The following MYO3A variants were observed in gnomAD, a reference collection of about 807,000 sequenced individuals.
MYO3A encodes the protein myosin IIIA, also known as myosin-IIIa.
MYO3A carries 180 observed loss-of-function variants against 192.7 expected under a neutral mutation model. The ratio of observed to expected loss-of-function variants is 0.93; its 90% CI spans 0.83 to 1.06. The LOEUF (loss-of-function observed/expected upper bound fraction) is 1.06, where lower values mean the gene tolerates loss of function less well. MYO3A is among the 50% of genes least tolerant of loss of function. MYO3A has a pLI of 0.00. For synonymous variants in MYO3A, 628 were observed against 645.3 expected (o/e 0.97, Z 0.41); for missense variants, 1,896 against 1,905.0 (o/e 1.00, Z 0.09).
At chr10:26,211,301 CTT>C (rs1276657026) in intron 34 of MYO3A, among the ~76,000 whole-genome samples, 2 of 152,192 alleles carry the variant, frequency 1.3e-5, no homozygotes, top group Admixed American at 6.5e-5. Flanking sequence ...GATTCAGAAA[CTT>C]AGCCCAGCAG....
intron 4 of MYO3A, among the ~76,000 whole-genome samples, chr10:25,972,592 A>C (rs1838723955): frequency 6.6e-6 from 1 of 152,064 alleles, no homozygotes; most frequent in Non-Finnish European, 1.5e-5. Flanking sequence ...TGGGTGGGGA[A>C]CTTGTTGTTT....
chr10:26,125,660 C>A, intron 19 of MYO3A, 52 bp downstream of exon 19: 1 of 1,441,076 alleles, frequency 6.9e-7, no homozygotes, highest in Non-Finnish European at 9.8e-7. Context: ...TGATGTAAGT[C>A]TACTTTCTAA....
At chr10:26,030,327 AT>A (rs1842748490) in intron 10 of MYO3A, among the ~76,000 whole-genome samples, 1 of 151,582 alleles carries the variant, frequency 6.6e-6, no homozygotes, top group Non-Finnish European at 1.5e-5. Context: ...TTTTTACTTT[AT>A]TTTTTTAATG....
At chr10:26,014,639 CA>C (rs765439969) in intron 6 of MYO3A, among the ~76,000 whole-genome samples, 78 of 152,074 alleles carry the variant, frequency 5.1e-4, no homozygotes, top group Non-Finnish European at 8.5e-4. Flanking sequence ...CTAAAATAGC[CA>C]TGGCCCTCCC....
intron 4 of MYO3A, among the ~76,000 whole-genome samples, chr10:25,990,687 G>C (rs1371860371): frequency 7.9e-6 from 1 of 126,566 alleles, no homozygotes; most frequent in African/African-American, 3.2e-5. Context: ...ACAGGCCCTG[G>C]TGTGTGATGT....
intron 6 of MYO3A, among the ~76,000 whole-genome samples, chr10:26,003,246 A>G (rs910278156): frequency 2.0e-5 from 3 of 152,202 alleles, no homozygotes; most frequent in African/African-American, 7.2e-5. Flanking sequence ...ATTATGAGAT[A>G]ATATTCCTAC....
intron 7 of MYO3A, among the ~76,000 whole-genome samples, chr10:26,019,061 T>C (rs1303899662): frequency 6.6e-6 from 1 of 152,090 alleles, no homozygotes; most frequent in Non-Finnish European, 1.5e-5. Context: ...CACAGGGCTG[T>C]GCAATCATCA....
At position 26,159,376 on chromosome 10, in the gene MYO3A, T is replaced by C. The variant is rs891699503; in HGVS notation, c.2999+1861T>C. On this transcript the variant is annotated intron_variant, in intron 26 of 34. Transcript: ENST00000642920. ...TTTTTTCTTTTTCTTTTTTTTTTTT[T>C]TTAGACAGAGTCTCGCTCTGTCACC... Among the ~76,000 whole-genome samples the C allele has an allele frequency of 1.2e-4, 18 of 150,316 alleles. 1 individual carries two copies. The highest frequency in any genetic ancestry group is 4.1e-4 in the African/African-American group (17 of 41,020).
chr10:25,992,128 G>C (rs1298172553), intron 4 of MYO3A, among the ~76,000 whole-genome samples: 1 of 149,070 alleles, frequency 6.7e-6, no homozygotes, highest in Non-Finnish European at 1.5e-5. Flanking sequence ...TCACAATATT[G>C]ATTCTTCCTA....
intron 11 of MYO3A, among the ~76,000 whole-genome samples, chr10:26,068,462 T>A (rs1327233177): frequency 6.6e-6 from 1 of 152,190 alleles, no homozygotes; most frequent in Non-Finnish European, 1.5e-5. Context: ...AATCTTTACA[T>A]CACTTAGTGC....
intron 20 of MYO3A, among the ~76,000 whole-genome samples, chr10:26,140,928 G>C (rs1414915986): frequency 6.6e-6 from 1 of 151,946 alleles, no homozygotes; most frequent in African/African-American, 2.4e-5. Context: ...TTGTTTGTTT[G>C]TTTGTTTTTT....
At chr10:26,109,761 T>C (rs145626374) in intron 17 of MYO3A, among the ~76,000 whole-genome samples, 22 of 152,336 alleles carry the variant, frequency 1.4e-4, no homozygotes, top group African/African-American at 5.1e-4. Context: ...CTTTCCTGGC[T>C]ACTTTTACAG....
In MYO3A at chr10:26,016,896, G is replaced by T; in HGVS notation, c.585G>T (p.Glu195Asp). 1 of 1,614,028 alleles carries T rather than the reference G, an allele frequency of 6.2e-7. No individual in the cohort carries two copies. The highest frequency in any genetic ancestry group is 8.5e-7 in the Non-Finnish European group (1 of 1,179,884). ...SVGTPFWMAP[E>D]VIACEQQLDT... Reference sequence around the variant, plus strand: ...GAACACCGTTTTGGATGGCTCCTGAGGTCAGATAGAGTTTTGAGGCAGACA... The same window carrying T: ...GAACACCGTTTTGGATGGCTCCTGATGTCAGATAGAGTTTTGAGGCAGACA... The change falls in exon 7 of 35, where the codon GAG (glutamate) becomes GAT (aspartate). Residue 195 changes from glutamate (E) to aspartate (D), a missense_variant and splice_region_variant. Coordinates refer to ENST00000642920, the MANE Select transcript of MYO3A (RefSeq NM_017433.5).
intron 31 of MYO3A, among the ~76,000 whole-genome samples, chr10:26,185,598 C>T (rs1365552713): frequency 1.3e-5 from 2 of 151,982 alleles, no homozygotes; most frequent in Non-Finnish European, 2.9e-5. Context: ...CCTCGGCCTC[C>T]CAAAGTGCTG....
intron 31 of MYO3A, among the ~76,000 whole-genome samples, chr10:26,179,949 T>C (rs1374995716): frequency 1.3e-5 from 2 of 152,200 alleles, no homozygotes; most frequent in Non-Finnish European, 2.9e-5. Flanking sequence ...TTCTCATGCC[T>C]CAGCCTCCCG....
chr10:26,101,040 T>C (rs1018141561), intron 17 of MYO3A, among the ~76,000 whole-genome samples: 2 of 152,204 alleles, frequency 1.3e-5, no homozygotes, highest in African/African-American at 4.8e-5. Flanking sequence ...TACGTCTCTT[T>C]GTAGGTCTCT....
At chr10:26,108,178 G>A (rs1837946950) in intron 17 of MYO3A, among the ~76,000 whole-genome samples, 1 of 152,148 alleles carries the variant, frequency 6.6e-6, no homozygotes, top group African/African-American at 2.4e-5. Flanking sequence ...GATTCAGAGT[G>A]TGTGATAAAA....
At chr10:26,028,972 C>T (rs1397758922) in intron 10 of MYO3A, among the ~76,000 whole-genome samples, 1 of 152,190 alleles carries the variant, frequency 6.6e-6, no homozygotes, top group Non-Finnish European at 1.5e-5. Context: ...CCATCCTGGA[C>T]ACCAGATAAG....
chr10:26,089,804 G>A (rs1182483200), intron 15 of MYO3A, among the ~76,000 whole-genome samples: 2 of 152,012 alleles, frequency 1.3e-5, no homozygotes, highest in Non-Finnish European at 2.9e-5. Flanking sequence ...AAATGAAATA[G>A]CATTAGTACC....
Sources: gnomAD v4.1 joint callset for allele counts (sites outside exome capture counted in the v4.1 genomes callset) on GRCh38, gnomAD v4.1.1 for gene constraint, MANE v1.5 for transcripts, NCBI Gene and HGNC (gene_info 2026-07-23, HGNC 2026-07-21) for gene names.